TRIM6: variants seen among roughly 807,000 people sequenced by gnomAD.
TRIM6 encodes the protein tripartite motif containing 6.
In TRIM6, 43 loss-of-function variants were observed where a neutral mutation model predicts 51.2. The observed-to-expected ratio is 0.84, with a 90% CI of 0.66 to 1.08. The LOEUF is 1.08. Ranked by LOEUF, TRIM6 falls within the 50% of genes least tolerant of loss-of-function variation. TRIM6 has a pLI of 0.00. For missense variants in TRIM6, 669 were observed against 619.0 expected, an observed-to-expected ratio of 1.08 and a Z score of -0.86; for synonymous variants, 215 against 232.4, an observed-to-expected ratio of 0.93 and a Z score of 0.68.
intron 5 of TRIM6, among the ~76,000 whole-genome samples, chr11:5,609,405 T>G (rs4910828): frequency 6.6e-6 from 1 of 151,982 alleles, no homozygotes; most frequent in Non-Finnish European, 1.5e-5. Flanking sequence ...AACCCCTTCA[T>G]TTGATACTTT....
intron 4 of TRIM6, among the ~76,000 whole-genome samples, chr11:5,607,737 T>C (rs1848310940): frequency 6.6e-6 from 1 of 152,182 alleles, no homozygotes; most frequent in Non-Finnish European, 1.5e-5. Flanking sequence ...GTTGCTAGTG[T>C]GATTCAGTAG....
intron 1 of TRIM6, among the ~76,000 whole-genome samples, chr11:5,598,951 C>G (rs1847648899): frequency 1.3e-5 from 2 of 152,058 alleles, no homozygotes. Flanking sequence ...TTCCTTATGC[C>G]CTTTGCAGTT....
chr11:5,597,644 G>A (rs1192020422), intron 1 of TRIM6, among the ~76,000 whole-genome samples: 1 of 152,120 alleles, frequency 6.6e-6, no homozygotes, highest in Non-Finnish European at 1.5e-5. Context: ...CCAGCTGGTG[G>A]ACGGGCCCGC....
upstream of TRIM6, chr11:5,596,614 C>A (rs1394207107): frequency 3.5e-6 from 1 of 284,300 alleles, no homozygotes; most frequent in Admixed American, 6.0e-5. Context: ...TTATCCCCCA[C>A]CCCAGGCGGC....
rs747303272 is a variant in TRIM6 at position 5,603,462 on chromosome 11, A to G, written c.234A>G (p.Gln78=). Residue 78 remains glutamine, a synonymous_variant, in exon 2 of 8, where the codon CAA becomes CAG. Coordinates refer to ENST00000380097, the MANE Select transcript of TRIM6 (RefSeq NM_001003818.3). ...ATGGCAGGGAATCAGTGATTGGTCA[A>G]GAAGGGGAAAGAAGCTGCCCTGTGT... The part of the protein sequence containing the change: ...TPNGRESVIG[Q]EGERSCPVCQ... 1 of 1,614,104 alleles carries G rather than the reference A, an allele frequency of 6.2e-7. No homozygotes were observed. Among genetic ancestry groups the G allele is most frequent in the Admixed American group, 1.7e-5 (1 of 60,014 alleles).
At chr11:5,605,956 C>T (rs569153011) in intron 4 of TRIM6, among the ~76,000 whole-genome samples, 2 of 152,296 alleles carry the variant, frequency 1.3e-5, no homozygotes, top group African/African-American at 4.8e-5. Context: ...CTGGCCTCTG[C>T]TCACTAGATG....
At chr11:5,601,201 C>T (rs1358529683) in intron 1 of TRIM6, among the ~76,000 whole-genome samples, 1 of 152,184 alleles carries the variant, frequency 6.6e-6, no homozygotes, top group African/African-American at 2.4e-5. Flanking sequence ...CCATGCCTGA[C>T]TTTCACAGCC....
At chr11:5,608,429 G>A (rs758726422) in intron 5 of TRIM6, 35 bp downstream of exon 5, 1 of 1,612,186 alleles carries the variant, frequency 6.2e-7, no homozygotes. Context: ...AGTTCCCCTG[G>A]ACTGACAAAT....
At chr11:5,599,308 A>G (rs770888841) in intron 1 of TRIM6, among the ~76,000 whole-genome samples, 4 of 152,194 alleles carry the variant, frequency 2.6e-5, no homozygotes, top group Non-Finnish European at 4.4e-5. Flanking sequence ...CTGAAATGAA[A>G]GTGTGCATGT....
chr11:5,603,285 G>T lies in TRIM6; in HGVS notation c.57G>T (p.Gly19=). The change falls in exon 2 of 8, where the codon GGG becomes GGT. Residue 19 remains glycine, a synonymous_variant. Coordinates refer to ENST00000380097, the MANE Select transcript of TRIM6 (RefSeq NM_001003818.3). ...QAGNILEIRV[G]QAGARRVATM... ...GAAACATCTTAGAAATCAGGGTTGG[G>T]CAGGCAGGAGCCAGGAGAGTAGCTA... The T allele has an allele frequency of 1.2e-6, 2 of 1,614,028 alleles. No individual in the cohort carries two copies. The highest frequency in any genetic ancestry group is 1.7e-6 in the Non-Finnish European group (2 of 1,179,998).
At chr11:5,606,337 G>A (rs1051676386) in intron 4 of TRIM6, among the ~76,000 whole-genome samples, 4 of 152,178 alleles carry the variant, frequency 2.6e-5, no homozygotes, top group Admixed American at 1.3e-4. Context: ...TTGATGGAGG[G>A]ACTTGAACTG....
chr11:5,604,436 T>C (rs1006671820), intron 2 of TRIM6, 98 bp from the exon 3 acceptor site: 198 of 1,354,536 alleles, frequency 1.5e-4, no homozygotes, highest in Non-Finnish European at 1.9e-4. Context: ...GACAGGCTTC[T>C]TTTGAGGTTA....
At chr11:5,598,071 C>G (rs1354750626) in intron 1 of TRIM6, among the ~76,000 whole-genome samples, 3 of 152,182 alleles carry the variant, frequency 2.0e-5, no homozygotes, top group Admixed American at 6.5e-5. Context: ...TGAATTTGGG[C>G]TCTTTCTTCT....
intron 1 of TRIM6, among the ~76,000 whole-genome samples, chr11:5,597,511 A>G (rs576738007): frequency 2.0e-5 from 3 of 152,206 alleles, no homozygotes; most frequent in Non-Finnish European, 4.4e-5. Context: ...ATTGCAGATA[A>G]TAGGTTAAAT....
At position 5,605,573 on chromosome 11, in the gene TRIM6, G is replaced by A. The variant is rs535862444; in HGVS notation, c.834+6G>A. 3.7e-6 allele frequency: 6 copies of A among 1,609,924 alleles called. No individual in the cohort carries two copies. Among genetic ancestry groups the A allele is most frequent in the East Asian group, 2.2e-5 (1 of 44,840 alleles). The stretch of plus-strand genomic sequence containing the variant: ...CAACAATGGAGCTGCTGCAGGTAAG[G>A]CTTGTGAAGGAGCCCAGATCTGAGA... On this transcript the variant is annotated splice_donor_region_variant and intron_variant, in intron 4 of 7. Transcript: ENST00000380097.
intron 3 of TRIM6, 55 bp from the exon 4 acceptor site, chr11:5,605,282 A>AG: frequency 3.7e-6 from 6 of 1,610,644 alleles, no homozygotes; most frequent in Non-Finnish European, 5.1e-6. Context: ...CTTTTAATAG[A>AG]GGAGACCCTC....
At chr11:5,604,652 A>G in intron 3 of TRIM6, 23 bp downstream of exon 3, 1 of 1,606,558 alleles carries the variant, frequency 6.2e-7, no homozygotes, top group Non-Finnish European at 8.5e-7. Context: ...TTTTCTGAAG[A>G]TGTCCTGGGG....
intron 2 of TRIM6, among the ~76,000 whole-genome samples, chr11:5,604,018 A>C (rs1156666168): frequency 6.6e-6 from 1 of 152,066 alleles, no homozygotes; most frequent in Non-Finnish European, 1.5e-5. Context: ...TATTTTGAGA[A>C]GGCGTCTCGC....
chr11:5,606,978 CGG>C (rs1848250092), intron 4 of TRIM6, among the ~76,000 whole-genome samples: 1 of 151,960 alleles, frequency 6.6e-6, no homozygotes, highest in Non-Finnish European at 1.5e-5. Flanking sequence ...CCGAGGCAGG[CGG>C]ATCATGAGGT....
Sources: allele counts gnomAD v4.1 joint callset (sites outside exome capture counted in the v4.1 genomes callset), GRCh38; gene constraint gnomAD v4.1.1; transcripts MANE v1.5; gene names NCBI Gene and HGNC (gene_info 2026-07-23, HGNC 2026-07-21).